The following GAPVD1 variants were observed in gnomAD, a reference collection of about 807,000 sequenced individuals.
GAPVD1 encodes GTPase activating protein and VPS9 domains 1, also known as GTPase-activating protein and VPS9 domain-containing protein 1.
In GAPVD1, 35 loss-of-function variants were observed where a neutral mutation model predicts 155.5. The ratio of observed to expected loss-of-function variants is 0.23; its 90% confidence interval spans 0.17 to 0.30. The LOEUF is 0.30. Ranked by LOEUF, GAPVD1 falls within the 10% of genes least tolerant of loss-of-function variation. GAPVD1 has a pLI of 1.00. For synonymous variants in GAPVD1, 636 were observed against 619.7 expected (o/e 1.03, Z -0.39); for missense variants, 1,429 against 1,775.7 (o/e 0.80, Z 3.51).
At chr9:125,291,131 T>G (rs1425349584) in intron 2 of GAPVD1, among the ~76,000 whole-genome samples, 2 of 150,734 alleles carry the variant, frequency 1.3e-5, no homozygotes, top group African/African-American at 4.9e-5. Context: ...TCAAGAAAAA[T>G]AGAAGAAGAT....
At position 125,302,453 on chromosome 9, in the gene GAPVD1, C is replaced by G. The variant is rs1426268224; in HGVS notation, c.656C>G (p.Pro219Arg). The G allele has an allele frequency of 6.2e-7, 1 of 1,613,564 alleles. No homozygotes were observed. Among genetic ancestry groups the G allele is most frequent in the Non-Finnish European group, 8.5e-7 (1 of 1,179,764 alleles). ...VEDEDHLETD[P>R]NKLIERFSPS... ...GATGAAGATCACCTGGAAACAGATC[C>G]AAACAAGCTAATTGAGAGGTTCTCT... is the stretch of plus-strand genomic sequence containing the variant. Residue 219 changes from proline (P) to arginine (R), a missense_variant, in exon 5 of 28, where the codon CCA becomes CGA. This residue lies in a region of GAPVD1 where 628 missense variants were observed against 733.4 expected (regional missense o/e 0.86). Transcript: ENST00000297933.
At chr9:125,278,706 A>G (rs1836221269) in intron 2 of GAPVD1, among the ~76,000 whole-genome samples, 1 of 151,052 alleles carries the variant, frequency 6.6e-6, no homozygotes, top group African/African-American at 2.4e-5. Context: ...GCGGTAGTAC[A>G]TGCTTGTAGT....
At chr9:125,336,357 TTA>T (rs1363090962) in intron 15 of GAPVD1, among the ~76,000 whole-genome samples, 3 of 152,024 alleles carry the variant, frequency 2.0e-5, no homozygotes, top group Non-Finnish European at 2.9e-5. Flanking sequence ...AATAATTTTT[TTA>T]TGTTTGAAAT....
chr9:125,320,165 C>G lies in GAPVD1; in HGVS notation c.1603-1268C>G, dbSNP rs1187225736. On this transcript the variant is annotated intron_variant, in intron 9 of 27. Coordinates refer to ENST00000297933, the MANE Select transcript of GAPVD1 (RefSeq NM_001282680.3). ...GTTTTTTTCTTTGTAAGTGAGGGTACTATTCTTCCTTCATATTTCAGCAAC... is the reference window on the plus strand; with the variant it reads ...GTTTTTTTCTTTGTAAGTGAGGGTAGTATTCTTCCTTCATATTTCAGCAAC... 2.6e-5 allele frequency among the ~76,000 whole-genome samples: 4 copies of G among 151,996 alleles called. No individual in the cohort carries two copies. The East Asian group carries it at 7.7e-4, about 29-fold the overall frequency.
intron 4 of GAPVD1, among the ~76,000 whole-genome samples, chr9:125,300,289 C>T (rs1840668809): frequency 6.7e-6 from 1 of 148,788 alleles, no homozygotes. Context: ...TCAAGAGATT[C>T]TCCTGCCTCA....
At chr9:125,283,634 A>G (rs1479044981) in intron 2 of GAPVD1, among the ~76,000 whole-genome samples, 4 of 152,016 alleles carry the variant, frequency 2.6e-5, no homozygotes, top group Non-Finnish European at 5.9e-5. Context: ...AAGTGTTGGG[A>G]TTATAGGTCT....
Position 125,321,337 on chromosome 9 carries a change from TTTAAGA to T in GAPVD1, c.1603-90_1603-85del, listed in dbSNP as rs2131507021. On this transcript the variant is annotated intron_variant, in intron 9 of 27. Transcript: ENST00000297933. ...TAGGTTTGTAGTTAAAAATTGATAA[TTTAAGA>T]TTAAGGAGTTAAATATGCATTTGCT... 5 of 807,792 alleles carry T rather than the reference TTTAAGA, an allele frequency of 6.2e-6. No homozygotes were observed. The East Asian group carries it at 7.7e-5, about 12-fold the overall frequency. The allele number at this position is 807,792 out of a possible 1,614,324, so 50.0% of individuals were successfully genotyped here.
intron 5 of GAPVD1, among the ~76,000 whole-genome samples, chr9:125,304,186 G>A (rs1298722024): frequency 6.6e-6 from 1 of 152,092 alleles, no homozygotes; most frequent in Admixed American, 6.6e-5. Context: ...ACCCTCCTGA[G>A]TAGCTGGGAC....
At chr9:125,349,580 C>A in intron 21 of GAPVD1, 61 bp downstream of exon 21, 5 of 1,443,760 alleles carry the variant, frequency 3.5e-6, no homozygotes, top group Non-Finnish European at 4.8e-6. Flanking sequence ...ATTGCAGTCA[C>A]GTCAAGTCAA....
chr9:125,348,045 GTTTTGT>G (rs1848757271), intron 20 of GAPVD1, among the ~76,000 whole-genome samples: 1 of 151,482 alleles, frequency 6.6e-6, no homozygotes, highest in East Asian at 1.9e-4. Flanking sequence ...ATATATATAT[GTTTTGT>G]TTTTGTTTTT....
intron 19 of GAPVD1, among the ~76,000 whole-genome samples, chr9:125,343,225 C>T (rs1444226195): frequency 6.7e-6 from 1 of 149,582 alleles, no homozygotes; most frequent in Admixed American, 6.7e-5. Context: ...CATCAGCTAT[C>T]ATTAGTGTTA....
intron 6 of GAPVD1, among the ~76,000 whole-genome samples, chr9:125,306,692 C>A (rs72767052): frequency 6.6e-6 from 1 of 152,144 alleles, no homozygotes; most frequent in Admixed American, 6.6e-5. Context: ...AAGGTTTTGC[C>A]CTGTTGCCCC....
chr9:125,315,089 T>C (rs1843218699), intron 9 of GAPVD1, among the ~76,000 whole-genome samples: 1 of 152,132 alleles, frequency 6.6e-6, no homozygotes, highest in Non-Finnish European at 1.5e-5. Context: ...GCCCTGCCAG[T>C]AGCAGCTTCT....
chr9:125,303,812 G>C (rs1474813210), intron 5 of GAPVD1: 2 of 151,160 alleles, frequency 1.3e-5, no homozygotes, highest in Non-Finnish European at 2.9e-5. Flanking sequence ...ATGATTAGCT[G>C]TTTTTAATGA....
intron 2 of GAPVD1, among the ~76,000 whole-genome samples, chr9:125,280,055 G>C (rs1436122202): frequency 6.6e-6 from 1 of 151,078 alleles, no homozygotes; most frequent in East Asian, 2.0e-4. Context: ...GAGCCGCTGC[G>C]CTGGCCAAAA....
intron 9 of GAPVD1, among the ~76,000 whole-genome samples, chr9:125,313,293 T>C (rs1297113402): frequency 6.6e-6 from 1 of 151,492 alleles, no homozygotes; most frequent in Non-Finnish European, 1.5e-5. Context: ...ATTTTTTTTT[T>C]TCTTTTTCTT....
intron 26 of GAPVD1, among the ~76,000 whole-genome samples, chr9:125,360,005 G>C (rs1850682368): frequency 6.6e-6 from 1 of 152,146 alleles, no homozygotes; most frequent in Non-Finnish European, 1.5e-5. Flanking sequence ...CCCCACTAAT[G>C]AGACATGAAT....
At position 125,333,581 on chromosome 9, in the gene GAPVD1, C is replaced by G. The variant is rs545521080; in HGVS notation, c.2428+952C>G. ...TCGGCTCACCACAACCTCTGTCTCC[C>G]AGGTTCAAATGATTCTCCTGCCTCA... On this transcript the variant is annotated intron_variant, in intron 15 of 27. Coordinates refer to ENST00000297933, the MANE Select transcript of GAPVD1 (RefSeq NM_001282680.3). 7.4e-3 allele frequency among the ~76,000 whole-genome samples: 1,111 copies of G among 149,432 alleles called. 7 individuals carry two copies. Among genetic ancestry groups the G allele is most frequent in the Non-Finnish European group, 0.013 (850 of 67,146 alleles).
rs1015020536 is a variant in GAPVD1 at position 125,360,387 on chromosome 9, A to T, written c.4045-141A>T. 10 of 608,688 alleles carry T rather than the reference A, an allele frequency of 1.6e-5. No individual in the cohort carries two copies. The East Asian group carries it at 2.5e-4, about 15-fold the overall frequency. The allele number at this position is 608,688 out of a possible 1,614,324, so 37.7% of individuals were successfully genotyped here. On this transcript the variant is annotated intron_variant, in intron 26 of 27. Transcript: ENST00000297933. Reference sequence around the variant, plus strand: ...AGTTACAATCTTTAGTGAAGGGGAAAGGGGCCTGCAATATGGTTTTACCAA... The same window carrying T: ...AGTTACAATCTTTAGTGAAGGGGAATGGGGCCTGCAATATGGTTTTACCAA...
Sources: allele counts gnomAD v4.1 joint callset (sites outside exome capture counted in the v4.1 genomes callset), GRCh38; gene constraint gnomAD v4.1.1; regional missense constraint gnomAD v4.1.1; transcripts MANE v1.5; gene names NCBI Gene and HGNC (gene_info 2026-07-23, HGNC 2026-07-21).